The following AK5 variants were observed in gnomAD, a reference collection of about 807,000 sequenced individuals.
The protein encoded by AK5 is adenylate kinase 5.
In AK5, 27 loss-of-function variants were observed where a neutral mutation model predicts 69.5. That is an observed-to-expected ratio of 0.39 (90% CI 0.29 to 0.54). AK5 has a LOEUF of 0.54. Ranked by LOEUF, AK5 falls within the 20% of genes least tolerant of loss-of-function variation. The pLI, the probability that AK5 is intolerant of heterozygous loss-of-function variation, is 0.71. For missense variants in AK5, 531 were observed against 700.4 expected (o/e 0.76, Z 2.73); for synonymous variants, 260 against 244.4 (o/e 1.06, Z -0.60).
At chr1:77,409,800 C>A (rs537746646) in intron 6 of AK5, among the ~76,000 whole-genome samples, 1 of 152,304 alleles carries the variant, frequency 6.6e-6, no homozygotes, top group African/African-American at 2.4e-5. Context: ...ATATCTTTGT[C>A]ATGAAATCTT....
chr1:77,394,084 G>A (rs1280799849), intron 6 of AK5, among the ~76,000 whole-genome samples: 3 of 151,974 alleles, frequency 2.0e-5, no homozygotes, highest in East Asian at 1.9e-4. Flanking sequence ...CTGTGGTGAC[G>A]TGTACCTGTA....
chr1:77,487,820 T>C (rs530775315), intron 10 of AK5, among the ~76,000 whole-genome samples: 152 of 152,338 alleles, frequency 1.0e-3, no homozygotes, highest in African/African-American at 3.4e-3. Flanking sequence ...GTCTCACACA[T>C]TCAGCCATCT....
At chr1:77,314,835 A>G (rs1269400387) in intron 5 of AK5, 1 of 152,146 alleles carries the variant, frequency 6.6e-6, no homozygotes, top group Non-Finnish European at 1.5e-5. Flanking sequence ...TAAGGTCCAT[A>G]GTATTCCAGA....
At chr1:77,362,255 T>A (rs1646877882) in intron 6 of AK5, among the ~76,000 whole-genome samples, 1 of 152,238 alleles carries the variant, frequency 6.6e-6, no homozygotes, top group Non-Finnish European at 1.5e-5. Context: ...TTCACTTCAG[T>A]GAGCACAATG....
intron 13 of AK5, 142 bp downstream of exon 13, chr1:77,536,180 G>A (rs747486179): frequency 2.6e-5 from 24 of 937,312 alleles, no homozygotes; most frequent in Non-Finnish European, 1.4e-5. Flanking sequence ...GGGCCAAAAG[G>A]CCCAGCACAG....
At chr1:77,292,636 C>T (rs1306525799) in intron 2 of AK5, among the ~76,000 whole-genome samples, 1 of 152,174 alleles carries the variant, frequency 6.6e-6, no homozygotes, top group African/African-American at 2.4e-5. Flanking sequence ...CAGGTTGAGA[C>T]CATCTCCCTG....
chr1:77,531,762 C>T (rs960576547), intron 12 of AK5, among the ~76,000 whole-genome samples: 36 of 151,726 alleles, frequency 2.4e-4, no homozygotes, highest in African/African-American at 8.2e-4. Context: ...GCCCTGCGCC[C>T]GCACTCCTCA....
rs143545130 is a variant in AK5 at position 77,533,076 on chromosome 1, C to T, written c.1429-2771C>T. ...GTCACTTCCAAATAGAATAACTGAT[C>T]GATAGCTTTTTATATAGGAAGAGAG... On this transcript the variant is annotated intron_variant, in intron 12 of 13. Transcript: ENST00000354567. Among the ~76,000 whole-genome samples the T allele has an allele frequency of 5.8e-3, 880 of 152,222 alleles. 7 individuals are homozygous for T. The highest frequency in any genetic ancestry group is 0.02 in the African/African-American group (841 of 41,516).
At chr1:77,499,620 T>A (rs1656579419) in intron 10 of AK5, among the ~76,000 whole-genome samples, 1 of 151,956 alleles carries the variant, frequency 6.6e-6, no homozygotes, top group South Asian at 2.1e-4. Flanking sequence ...TTTTTGGAAG[T>A]CCTCAGCATG....
At chr1:77,301,417 G>T (rs187613412) in intron 5 of AK5, among the ~76,000 whole-genome samples, 13 of 152,326 alleles carry the variant, frequency 8.5e-5, no homozygotes, top group South Asian at 2.1e-4. Context: ...TGAGAGGAAG[G>T]CCGGGAAGTA....
At chr1:77,481,880 A>G (rs2100719343) in intron 8 of AK5, among the ~76,000 whole-genome samples, 1 of 152,368 alleles carries the variant, frequency 6.6e-6, no homozygotes. Flanking sequence ...TGAGACTGGA[A>G]ACTACTCACT....
intron 8 of AK5, among the ~76,000 whole-genome samples, chr1:77,453,551 A>G (rs1417440421): frequency 6.6e-6 from 1 of 152,188 alleles, no homozygotes; most frequent in East Asian, 1.9e-4. Flanking sequence ...CCGATTTCTA[A>G]TATTGTAAAT....
chr1:77,512,321 C>T (rs1369341389), intron 10 of AK5, among the ~76,000 whole-genome samples: 1 of 152,120 alleles, frequency 6.6e-6, no homozygotes, highest in Non-Finnish European at 1.5e-5. Flanking sequence ...GCCTGGAAGT[C>T]TGGAATTAAT....
At chr1:77,433,184 A>C (rs1485945565) in intron 8 of AK5, among the ~76,000 whole-genome samples, 1 of 152,228 alleles carries the variant, frequency 6.6e-6, no homozygotes, top group East Asian at 1.9e-4. Flanking sequence ...GGTTCTGATC[A>C]GATCTACAGG....
intron 8 of AK5, 187 bp downstream of exon 8, chr1:77,417,902 C>G (rs1650537102): frequency 6.3e-6 from 3 of 475,604 alleles, no homozygotes; most frequent in Non-Finnish European, 1.1e-5. Context: ...TTTGGCACTC[C>G]CTTGTCCTAA....
intron 5 of AK5, among the ~76,000 whole-genome samples, chr1:77,310,139 C>T (rs1356424049): frequency 6.6e-6 from 1 of 152,086 alleles, no homozygotes; most frequent in Admixed American, 6.5e-5. Context: ...AACTTTATTG[C>T]ATGTTTTGAA....
rs76977234 is a variant in AK5, at chr1:77,467,295, G to A, written c.1060-16022G>A. On this transcript the variant is annotated intron_variant, in intron 8 of 13. Coordinates refer to ENST00000354567, the MANE Select transcript of AK5 (RefSeq NM_174858.3). ...TTTCCTTGTAAAGTGGAGGCTCCTA[G>A]TTTCTCCTTCATGGGTTTCTGTGAA... is the stretch of plus-strand genomic sequence containing the variant. Among the ~76,000 whole-genome samples the A allele has an allele frequency of 2.3e-3, 351 of 152,230 alleles. 3 individuals carry two copies. The highest frequency in any genetic ancestry group is 8.2e-3 in the African/African-American group (341 of 41,516).
chr1:77,376,973 A>G (rs1041061425), intron 6 of AK5, among the ~76,000 whole-genome samples: 29 of 152,212 alleles, frequency 1.9e-4, no homozygotes, highest in African/African-American at 6.5e-4. Context: ...AAGTCACACC[A>G]TTAAATAACA....
chr1:77,289,278 G>C (rs1658542282), intron 2 of AK5, among the ~76,000 whole-genome samples: 1 of 152,146 alleles, frequency 6.6e-6, no homozygotes, highest in Admixed American at 6.5e-5. Context: ...TTAGCCAGTT[G>C]CTGCTGCAGC....
Sources: gnomAD v4.1 joint callset for allele counts (sites outside exome capture counted in the v4.1 genomes callset) on GRCh38, gnomAD v4.1.1 for gene constraint, MANE v1.5 for transcripts, NCBI Gene and HGNC (gene_info 2026-07-23, HGNC 2026-07-21) for gene names.